The following PSD2 variants were observed in gnomAD, a reference collection of about 807,000 sequenced individuals.
The protein encoded by PSD2 is PH and SEC7 domain-containing protein 2.
Under a neutral mutation model 69.8 loss-of-function variants are expected in PSD2, and 38 were observed. The ratio of observed to expected loss-of-function variants is 0.54; its 90% CI spans 0.42 to 0.71. The LOEUF is 0.71. Among genes scored for constraint, PSD2 ranks in the 30% least tolerant of loss-of-function variants. The pLI, the probability that PSD2 is intolerant of heterozygous loss-of-function variation, is 0.00. For missense variants in PSD2, 943 were observed against 1,014.5 expected (o/e 0.93, Z 0.96); for synonymous variants, 412 against 423.0 (o/e 0.97, Z 0.32).
intron 7 of PSD2, among the ~76,000 whole-genome samples, chr5:139,825,254 C>T (rs746654635): frequency 3.9e-5 from 6 of 152,174 alleles, no homozygotes; most frequent in South Asian, 2.1e-4. Context: ...CCTGGATCAG[C>T]GGGAGCCGGC....
chr5:139,835,835 G>T, intron 9 of PSD2, 69 bp downstream of exon 9: 1 of 1,483,478 alleles, frequency 6.7e-7, no homozygotes, highest in South Asian at 1.1e-5. Flanking sequence ...GGGGGTGCAG[G>T]TCCGACATTC....
chr5:139,761,041 C>T, the PSD2 span, among the ~76,000 whole-genome samples: 27 of 152,200 alleles, frequency 1.8e-4, no homozygotes, highest in African/African-American at 6.5e-4. Flanking sequence ...AAATACAGTC[C>T]TTATCCCCAA....
chr5:139,765,363 G>C, the PSD2 span, among the ~76,000 whole-genome samples: 2 of 151,770 alleles, frequency 1.3e-5, no homozygotes, highest in Admixed American at 6.6e-5. Flanking sequence ...ATAGCCCCCA[G>C]GGACCACCCA....
At chr5:139,796,800 C>A (rs893536020) in intron 1 of PSD2, among the ~76,000 whole-genome samples, 2 of 152,212 alleles carry the variant, frequency 1.3e-5, no homozygotes, top group Non-Finnish European at 2.9e-5. Flanking sequence ...TTGGGGCCAT[C>A]TTGGGGGGGC....
chr5:139,813,953 C>T (rs1209362540), intron 3 of PSD2, among the ~76,000 whole-genome samples, 195 bp downstream of exon 3: 1 of 152,194 alleles, frequency 6.6e-6, no homozygotes, highest in Non-Finnish European at 1.5e-5. Flanking sequence ...CCTTCTCAGC[C>T]CCGGTAGAAG....
At chr5:139,766,435 G>A in the PSD2 span, among the ~76,000 whole-genome samples, 1 of 152,180 alleles carries the variant, frequency 6.6e-6, no homozygotes, top group Non-Finnish European at 1.5e-5. Context: ...AGCAGTCCTG[G>A]AATGGTGGGG....
the PSD2 span, among the ~76,000 whole-genome samples, chr5:139,743,219 G>A: frequency 6.6e-6 from 1 of 152,194 alleles, no homozygotes; most frequent in African/African-American, 2.4e-5. Context: ...TGGGGGATGG[G>A]GAGGGTATGG....
chr5:139,762,691 G>C, the PSD2 span, among the ~76,000 whole-genome samples: 1 of 152,168 alleles, frequency 6.6e-6, no homozygotes, highest in African/African-American at 2.4e-5. Flanking sequence ...CAAGAGAGGA[G>C]GGTCATCTAC....
chr5:139,829,153 C>A (rs1169836511), intron 7 of PSD2, among the ~76,000 whole-genome samples: 1 of 152,174 alleles, frequency 6.6e-6, no homozygotes, highest in Non-Finnish European at 1.5e-5. Flanking sequence ...AGATAACTTA[C>A]CCAGTATAAT....
chr5:139,753,616 C>T, the PSD2 span, among the ~76,000 whole-genome samples: 4 of 152,180 alleles, frequency 2.6e-5, no homozygotes, highest in Non-Finnish European at 5.9e-5. Flanking sequence ...GCTATTTCAT[C>T]CTCCCAGAAG....
chr5:139,746,839 G>A, the PSD2 span, among the ~76,000 whole-genome samples: 1 of 152,154 alleles, frequency 6.6e-6, no homozygotes, highest in Non-Finnish European at 1.5e-5. The surrounding 1 kb of genome is among the most constrained non-coding windows in gnomAD (Gnocchi z 4.5). Flanking sequence ...CGCACCCAGG[G>A]GCAGCGACGC....
chr5:139,830,345 C>CTT (rs755605094), intron 7 of PSD2, among the ~76,000 whole-genome samples: 238 of 116,548 alleles, frequency 2.0e-3, no homozygotes, highest in African/African-American at 7.0e-3. Context: ...TGATAGTGTT[C>CTT]TTTTTTTTTT....
intron 4 of PSD2, among the ~76,000 whole-genome samples, chr5:139,815,390 A>G (rs973569749): frequency 6.6e-6 from 1 of 152,118 alleles, no homozygotes; most frequent in African/African-American, 2.4e-5. Flanking sequence ...CACTCCCTCC[A>G]GCAGCTAATT....
rs770202832 is a variant in PSD2, at chr5:139,837,651, A to G, written c.1692A>G (p.Leu564=). ...ATGAGTACAGGCCTGACAAAGCTCT[A>G]TCGGAGGGTGACCTGAAGAACGCCA... ...QKDEYRPDKA[L]SEGDLKNAIR... Residue 564 remains leucine, a synonymous_variant, in exon 12 of 15, where the codon CTA becomes CTG. Transcript: ENST00000274710. This position sits in a 1 kb window ranked among gnomAD's most constrained non-coding sequence, Gnocchi z 5.0. 2 of 1,613,392 alleles carry G rather than the reference A, an allele frequency of 1.2e-6. No individual in the cohort carries two copies. Among genetic ancestry groups the G allele is most frequent in the Admixed American group, 1.7e-5 (1 of 59,958 alleles).
At chr5:139,771,926 G>A in the PSD2 span, among the ~76,000 whole-genome samples, 1 of 152,222 alleles carries the variant, frequency 6.6e-6, no homozygotes, top group East Asian at 1.9e-4. Context: ...CTGCAGAGGG[G>A]CCTCAGAAAC....
At chr5:139,756,162 G>A in the PSD2 span, among the ~76,000 whole-genome samples, 1 of 152,194 alleles carries the variant, frequency 6.6e-6, no homozygotes, top group Non-Finnish European at 1.5e-5. Context: ...GGGAGGGAAG[G>A]GAGGGTTATT....
At chr5:139,817,252 G>C (rs1760143597) in intron 4 of PSD2, among the ~76,000 whole-genome samples, 1 of 152,074 alleles carries the variant, frequency 6.6e-6, no homozygotes, top group Admixed American at 6.5e-5. Context: ...CCTTCGCCTG[G>C]TTAGCTCGTA....
At position 139,833,781 on chromosome 5, in the gene PSD2, A is replaced by G; in HGVS notation, c.1349A>G (p.Asp450Gly). 6.2e-7 allele frequency: 1 copy of G among 1,613,112 alleles called. No individual in the cohort carries two copies. The highest frequency in any genetic ancestry group is 8.5e-7 in the Non-Finnish European group (1 of 1,179,078). The change falls in exon 8 of 15, where the codon GAC becomes GGC. Residue 450 changes from aspartate to glycine, a missense_variant. Transcript: ENST00000274710. ...AATGATGGCCAAGACTTTGCCAAAG[A>G]CCTGCTGAAGGTACTGTCTGCTGAG... ...QLNDGQDFAK[D>G]LLKTLYNSIK...
At chr5:139,765,715 G>C in the PSD2 span, among the ~76,000 whole-genome samples, 104,421 of 152,072 alleles carry the variant, frequency 0.69, 37,340 homozygotes, top group Admixed American at 0.78. Flanking sequence ...ATCCAAGGCC[G>C]TCTTCTTACA....
Sources: gnomAD v4.1 joint callset for allele counts (sites outside exome capture counted in the v4.1 genomes callset) on GRCh38, gnomAD v4.1.1 for gene constraint, Gnocchi (gnomAD v3.1) non-coding constraint, MANE v1.5 for transcripts, NCBI Gene and HGNC (gene_info 2026-07-23, HGNC 2026-07-21) for gene names.